The following CLCN3 variants were observed in gnomAD, a reference collection of about 807,000 sequenced individuals.
The protein encoded by CLCN3 is Cl-/H+ antiporter 3.
In CLCN3, 16 loss-of-function variants were observed where a neutral mutation model predicts 83.4. The observed-to-expected ratio is 0.19, with a 90% CI of 0.13 to 0.29. The LOEUF (loss-of-function observed/expected upper bound fraction) is 0.29. Ranked by LOEUF, CLCN3 falls within the 10% of genes least tolerant of loss-of-function variation. CLCN3 has a pLI of 1.00. For missense variants in CLCN3, 544 were observed against 1,006.0 expected (o/e 0.54, Z 6.21); for synonymous variants, 322 against 346.2 (o/e 0.93, Z 0.78).
At chr4:169,679,183 G>A (rs1417812251) in intron 2 of CLCN3, among the ~76,000 whole-genome samples, 2 of 151,100 alleles carry the variant, frequency 1.3e-5, no homozygotes, top group South Asian at 2.1e-4. Flanking sequence ...ACAGGGTGGC[G>A]GCTGGGCAGA....
intron 1 of CLCN3, among the ~76,000 whole-genome samples, chr4:169,631,750 C>T (rs969565079): frequency 5.3e-5 from 8 of 152,126 alleles, no homozygotes; most frequent in Admixed American, 3.3e-4. Flanking sequence ...GACATTACAA[C>T]CAATCCCATG....
At chr4:169,662,542 A>G (rs1731093536) in intron 2 of CLCN3, among the ~76,000 whole-genome samples, 1 of 152,172 alleles carries the variant, frequency 6.6e-6, no homozygotes, top group Non-Finnish European at 1.5e-5. Context: ...GAAGAACAAA[A>G]CTATAATGAT....
At chr4:169,659,085 T>C (rs1465585995) in intron 2 of CLCN3, among the ~76,000 whole-genome samples, 1 of 152,126 alleles carries the variant, frequency 6.6e-6, no homozygotes, top group Non-Finnish European at 1.5e-5. Context: ...CATTCAATAC[T>C]TTAGGAAAAC....
chr4:169,680,998 G>A (rs1386798177), intron 3 of CLCN3, among the ~76,000 whole-genome samples: 1 of 151,996 alleles, frequency 6.6e-6, no homozygotes, highest in African/African-American at 2.4e-5. Flanking sequence ...ACAAACGTAC[G>A]CCACCATGCC....
chr4:169,630,456 C>G (rs1267298310), intron 1 of CLCN3, among the ~76,000 whole-genome samples: 3 of 152,154 alleles, frequency 2.0e-5, no homozygotes, highest in African/African-American at 4.8e-5. Context: ...CTGCAAAGGA[C>G]TTGATTTTAT....
intron 2 of CLCN3, 133 bp downstream of exon 2, chr4:169,636,221 C>A: frequency 1.3e-6 from 1 of 788,348 alleles, no homozygotes; most frequent in African/African-American, 1.8e-5. Context: ...ATAAACTTAA[C>A]CATTGTAAAG....
intron 12 of CLCN3, among the ~76,000 whole-genome samples, chr4:169,717,182 A>T (rs886967053): frequency 2.0e-5 from 3 of 152,198 alleles, no homozygotes; most frequent in African/African-American, 7.2e-5. Flanking sequence ...CCTAATCATA[A>T]ATACATTTTA....
intron 2 of CLCN3, among the ~76,000 whole-genome samples, chr4:169,649,112 C>T (rs918781598): frequency 2.7e-5 from 4 of 150,720 alleles, no homozygotes; most frequent in South Asian, 2.1e-4. Flanking sequence ...AACTGAAAAA[C>T]GAATACAAGT....
At position 169,697,708 on chromosome 4, in the gene CLCN3, A is replaced by G. The variant is rs746670020; in HGVS notation, c.1537A>G (p.Met513Val). 2.2e-5 allele frequency: 36 copies of G among 1,610,628 alleles called. 1 individual carries two copies. The South Asian group carries it at 4.0e-4, about 18-fold the overall frequency. ...LCLALIFKII[M>V]TVFTFGIKVP... ...CCTGGCACTCATATTTAAAATCATA[A>G]TGACAGTATTCACTTTTGGCATCAA... is the stretch of plus-strand genomic sequence containing the variant. Residue 513 changes from methionine (M) to valine (V), a missense_variant, in exon 9 of 13, where the codon ATG becomes GTG. By Grantham distance (21) the Met-to-Val change is conservative. Coordinates refer to ENST00000513761, the MANE Select transcript of CLCN3 (RefSeq NM_001829.4).
At chr4:169,714,272 A>G (rs1310577784) in intron 12 of CLCN3, among the ~76,000 whole-genome samples, 2 of 151,572 alleles carry the variant, frequency 1.3e-5, no homozygotes, top group African/African-American at 4.8e-5. Flanking sequence ...AGAGAATCAT[A>G]GCAGTTTTTT....
chr4:169,694,074 A>G (rs1480092562), intron 7 of CLCN3, among the ~76,000 whole-genome samples: 1 of 152,200 alleles, frequency 6.6e-6, no homozygotes, highest in Non-Finnish European at 1.5e-5. Context: ...ATTCAAATAA[A>G]TATGTTTGCT....
chr4:169,701,215 A>G (rs547373974), intron 9 of CLCN3, among the ~76,000 whole-genome samples: 1 of 152,358 alleles, frequency 6.6e-6, no homozygotes, highest in East Asian at 1.9e-4. Flanking sequence ...ACTGGATTCT[A>G]CCTCAAGAAA....
At chr4:169,693,605 G>GTAT (rs1276617940) in intron 7 of CLCN3, among the ~76,000 whole-genome samples, 1 of 152,122 alleles carries the variant, frequency 6.6e-6, no homozygotes, top group Non-Finnish European at 1.5e-5. Context: ...GACTATGTGG[G>GTAT]TATATATTTG....
chr4:169,626,713 T>TA (rs1290173331), intron 1 of CLCN3, among the ~76,000 whole-genome samples: 1 of 152,210 alleles, frequency 6.6e-6, no homozygotes, highest in Admixed American at 6.5e-5. Flanking sequence ...CACAGTGGCT[T>TA]ACCTCTGTAA....
intron 1 of CLCN3, among the ~76,000 whole-genome samples, chr4:169,627,328 C>G (rs1773260753): frequency 6.6e-6 from 1 of 152,138 alleles, no homozygotes; most frequent in Admixed American, 6.5e-5. Context: ...CCTAATTCTT[C>G]AATATTTTGC....
At chr4:169,659,927 T>A (rs1160409897) in intron 2 of CLCN3, 2 of 476,974 alleles carry the variant, frequency 4.2e-6, no homozygotes, top group African/African-American at 4.2e-5. Context: ...CAAAATTTCC[T>A]TTTTACATCT....
Position 169,720,006 on chromosome 4 carries a change from G to C in CLCN3, c.*9G>C. 6.2e-7 allele frequency: 1 copy of C among 1,613,726 alleles called. No homozygotes were observed. The highest frequency in any genetic ancestry group is 8.5e-7 in the Non-Finnish European group (1 of 1,179,652). On this transcript the variant is annotated 3_prime_UTR_variant, in exon 13 of 13. Transcript: ENST00000513761. ...CAATAATGTTCAACTGAATCTCACA[G>C]ATGAGGAGAGAGAAGAAACGGAAGA...
intron 1 of CLCN3, among the ~76,000 whole-genome samples, chr4:169,623,686 T>C (rs1213266871): frequency 6.6e-6 from 1 of 152,214 alleles, no homozygotes. Flanking sequence ...CCCTAGCCTT[T>C]GTAGACCACC....
At chr4:169,665,893 C>T (rs985286904) in intron 2 of CLCN3, among the ~76,000 whole-genome samples, 3 of 151,838 alleles carry the variant, frequency 2.0e-5, no homozygotes, top group African/African-American at 7.3e-5. Flanking sequence ...GGATAAACCC[C>T]TTTGAGAAAA....
Sources: gnomAD v4.1 joint callset for allele counts (sites outside exome capture counted in the v4.1 genomes callset) on GRCh38, gnomAD v4.1.1 for gene constraint, MANE v1.5 for transcripts, NCBI Gene and HGNC (gene_info 2026-07-23, HGNC 2026-07-21) for gene names.